FAM20A: variants seen among roughly 807,000 people sequenced by gnomAD.
FAM20A encodes pseudokinase FAM20A.
FAM20A carries 42 observed loss-of-function variants against 52.0 expected under a neutral mutation model. That is an observed-to-expected ratio of 0.81 (90% CI 0.63 to 1.04). The LOEUF is 1.04. Among genes scored for constraint, FAM20A ranks in the 50% least tolerant of loss-of-function variants. The pLI is 0.00. For synonymous variants in FAM20A, 304 were observed against 298.9 expected, an observed-to-expected ratio of 1.02 and a Z score of -0.18; for missense variants, 742 against 712.7, an observed-to-expected ratio of 1.04 and a Z score of -0.47.
At chr17:68,588,405 A>C (rs1289307035) in intron 1 of FAM20A, among the ~76,000 whole-genome samples, 1 of 152,266 alleles carries the variant, frequency 6.6e-6, no homozygotes, top group Non-Finnish European at 1.5e-5. Flanking sequence ...GACAGGCCTA[A>C]GCCAGCAGAT....
intron 1 of FAM20A, among the ~76,000 whole-genome samples, chr17:68,577,892 A>C (rs2087818575): frequency 6.6e-6 from 1 of 152,190 alleles, no homozygotes; most frequent in Non-Finnish European, 1.5e-5. Flanking sequence ...AAACACTAAC[A>C]CACGTGTTAG....
intron 1 of FAM20A, among the ~76,000 whole-genome samples, chr17:68,561,540 T>A (rs983365548): frequency 6.6e-6 from 1 of 152,086 alleles, no homozygotes; most frequent in African/African-American, 2.4e-5. Flanking sequence ...TGAACTTTTT[T>A]AACTTGATAA....
chr17:68,562,013 G>A (rs1014686905), intron 1 of FAM20A, among the ~76,000 whole-genome samples: 9 of 152,080 alleles, frequency 5.9e-5, no homozygotes, highest in Admixed American at 1.3e-4. Flanking sequence ...CAGTAGAGAC[G>A]GGGTTTCGCC....
intron 5 of FAM20A, 86 bp from the exon 6 acceptor site, chr17:68,542,895 G>T: frequency 9.7e-7 from 1 of 1,033,388 alleles, no homozygotes; most frequent in Non-Finnish European, 1.5e-6. Flanking sequence ...TGCACATTAG[G>T]AATTGGCTGG....
chr17:68,554,669 A>T (rs2087002168), intron 3 of FAM20A, 108 bp downstream of exon 3: 1 of 1,038,598 alleles, frequency 9.6e-7, no homozygotes, highest in East Asian at 2.4e-5. Context: ...TTAGGCAGAG[A>T]GCCATGCTCC....
chr17:68,542,310 T>A, intron 6 of FAM20A, 145 bp from the exon 7 acceptor site: 3 of 939,338 alleles, frequency 3.2e-6, no homozygotes, highest in Non-Finnish European at 1.6e-6. Context: ...AACATTGACT[T>A]TTCCAGAAGT....
In FAM20A at chr17:68,552,842, C is replaced by T. The variant is rs555827824; in HGVS notation, c.641-891G>A. Among the ~76,000 whole-genome samples, 208 of 138,688 alleles carry T rather than the reference C, an allele frequency of 1.5e-3. 22 individuals carry two copies. The highest frequency in any genetic ancestry group is 7.0e-3 in the Middle Eastern group (2 of 284). 91.0% of individuals were successfully genotyped at this position (138,688 alleles called of 152,430 possible). A position where few individuals can be genotyped will look rare whatever the true frequency, so the allele number is the denominator to read the frequency against. On this transcript the variant is annotated intron_variant, in intron 3 of 10. Transcript: ENST00000592554. ...GACTACAGGCGCCCGCCACCGCGCCCGGCTAATTTTTTGTATTTTTAGTAG... is the reference window on the plus strand; with the variant it reads ...GACTACAGGCGCCCGCCACCGCGCCTGGCTAATTTTTTGTATTTTTAGTAG...
intron 10 of FAM20A, among the ~76,000 whole-genome samples, chr17:68,538,095 A>C (rs1201875651): frequency 6.6e-6 from 1 of 152,258 alleles, no homozygotes; most frequent in Non-Finnish European, 1.5e-5. Context: ...AGAAGTTTCT[A>C]GTAGGTGAAT....
intron 1 of FAM20A, among the ~76,000 whole-genome samples, chr17:68,562,618 C>CG (rs929063347): frequency 4.6e-5 from 7 of 151,952 alleles, no homozygotes; most frequent in African/African-American, 1.7e-4. Context: ...CCATCCCCCC[C>CG]CCTTTTTATT....
chr17:68,541,849 A>G (rs560989450), intron 7 of FAM20A, 136 bp downstream of exon 7: 2 of 1,070,844 alleles, frequency 1.9e-6, no homozygotes, highest in South Asian at 3.1e-5. Flanking sequence ...TGCTGATCCC[A>G]GGATCAATAT....
chr17:68,558,185 C>T, intron 1 of FAM20A: 1 of 245,568 alleles, frequency 4.1e-6, no homozygotes, highest in Non-Finnish European at 8.8e-6. Flanking sequence ...CCGGCTGAAG[C>T]CAGCAAGGAA....
intron 1 of FAM20A, among the ~76,000 whole-genome samples, chr17:68,567,233 G>A (rs9893752): frequency 0.028 from 4,239 of 151,952 alleles, 250 homozygotes; most frequent in African/African-American, 0.096. Context: ...GTTATTGCAC[G>A]AAAGGGGCCT....
intron 8 of FAM20A, 45 bp from the exon 9 acceptor site, chr17:68,540,011 G>A (rs1487242154): frequency 6.5e-6 from 10 of 1,542,014 alleles, no homozygotes; most frequent in Non-Finnish European, 9.0e-6. Flanking sequence ...AGGCCAGGGG[G>A]ACAGGTGCTC....
intron 3 of FAM20A, among the ~76,000 whole-genome samples, chr17:68,554,035 C>CATATATACATATATACATATATACACAT (rs202214787): frequency 8.1e-6 from 1 of 123,164 alleles, no homozygotes; most frequent in Non-Finnish European, 1.8e-5. Flanking sequence ...TATATACACA[C>CATATATACATATATACATATATACACAT]ATGCATATAT....
Position 68,551,724 on chromosome 17 carries a change from T to TATTATTATTATC in FAM20A, c.719+148_719+149insGATAATAATAAT, listed in dbSNP as rs34614921. 0.051 allele frequency: 15,024 copies of TATTATTATTATC among 293,212 alleles called. 680 individuals are homozygous for TATTATTATTATC. The highest frequency in any genetic ancestry group is 0.056 in the Non-Finnish European group (9,021 of 159,784). 18.2% of individuals were successfully genotyped at this position (293,212 alleles called of 1,614,324 possible). A position where few individuals can be genotyped will look rare whatever the true frequency, so the allele number is the denominator to read the frequency against. Reference sequence around the variant, plus strand: ...TTATTATTATTATTATTATTATTATTATCACCCCAAACAGTTCTGTGCTTG... The same window carrying TATTATTATTATC: ...TTATTATTATTATTATTATTATTATTATTATTATTATCATCACCCCAAACAGTTCTGTGCTTG... On this transcript the variant is annotated intron_variant, in intron 4 of 10. Transcript: ENST00000592554.
intron 1 of FAM20A, among the ~76,000 whole-genome samples, chr17:68,573,195 C>T (rs1318258414): frequency 2.0e-5 from 3 of 152,278 alleles, no homozygotes; most frequent in East Asian, 1.9e-4. Flanking sequence ...TCCCTCATCC[C>T]GAGTCCTGGC....
chr17:68,566,389 A>G (rs1218653894), intron 1 of FAM20A, among the ~76,000 whole-genome samples: 1 of 152,210 alleles, frequency 6.6e-6, no homozygotes, highest in East Asian at 1.9e-4. Flanking sequence ...CTCCACTAGT[A>G]CTGACATATG....
chr17:68,564,007 C>A (rs2087300069), intron 1 of FAM20A, among the ~76,000 whole-genome samples: 1 of 152,154 alleles, frequency 6.6e-6, no homozygotes, highest in Non-Finnish European at 1.5e-5. Flanking sequence ...GCAAGTCGAA[C>A]AAGAACTAAT....
chr17:68,542,876 C>G (rs576833825), intron 5 of FAM20A, 67 bp from the exon 6 acceptor site: 2 of 1,249,308 alleles, frequency 1.6e-6, no homozygotes, highest in Non-Finnish European at 2.3e-6. Flanking sequence ...GGTTTTGTCC[C>G]CCGGCCAGTG....
Sources: gnomAD v4.1 joint callset for allele counts (sites outside exome capture counted in the v4.1 genomes callset) on GRCh38, gnomAD v4.1.1 for gene constraint, MANE v1.5 for transcripts, NCBI Gene and HGNC (gene_info 2026-07-23, HGNC 2026-07-21) for gene names.